Variants in LOC122539214 observed in about 807,000 individuals in gnomAD.
At chr19:52,683,228 CTGTGTGTGTGTGTGTGTGTGTG>C in the LOC122539214 span, among the ~76,000 whole-genome samples, 2,529 of 128,034 alleles carry the variant, frequency 0.02, 52 homozygotes, top group Middle Eastern at 0.078. Flanking sequence ...CCCTGTGACT[CTGTGTGTGTGTGTGTGTGTGTG>C]TGTGTGTGTG....
chr19:52,681,123 A>G, the LOC122539214 span, among the ~76,000 whole-genome samples: 2 of 151,604 alleles, frequency 1.3e-5, no homozygotes, highest in Non-Finnish European at 2.9e-5. Flanking sequence ...CTTCTCTACT[A>G]AAAATATAAA....
At chr19:52,664,328 T>C in the LOC122539214 span, among the ~76,000 whole-genome samples, 1 of 151,902 alleles carries the variant, frequency 6.6e-6, no homozygotes, top group South Asian at 2.1e-4. Context: ...AAAGCCCGTC[T>C]CTATGAGGAA....
the LOC122539214 span, among the ~76,000 whole-genome samples, chr19:52,682,791 C>T: frequency 6.6e-6 from 1 of 152,112 alleles, no homozygotes; most frequent in South Asian, 2.1e-4. Flanking sequence ...TCACTTGAGC[C>T]CAGGAGTTCA....
chr19:52,678,546 T>C, the LOC122539214 span, among the ~76,000 whole-genome samples: 7 of 152,048 alleles, frequency 4.6e-5, no homozygotes, highest in African/African-American at 1.7e-4. Context: ...TCCTATATTA[T>C]TTGAAGTCAT....
At chr19:52,678,357 G>C in the LOC122539214 span, among the ~76,000 whole-genome samples, 3 of 150,926 alleles carry the variant, frequency 2.0e-5, no homozygotes, top group African/African-American at 7.3e-5. Flanking sequence ...GGCTGAGGCA[G>C]GAGAATCACT....
chr19:52,687,599 G>GTGTATATATATATATAATGTATATA, the LOC122539214 span, among the ~76,000 whole-genome samples: 2 of 16,824 alleles, frequency 1.2e-4, no homozygotes, highest in African/African-American at 1.1e-3. Flanking sequence ...TATATATAAT[G>GTGTATATATATATATAATGTATATA]TATATATATA....
the LOC122539214 span, among the ~76,000 whole-genome samples, chr19:52,675,249 T>C: frequency 4.6e-5 from 7 of 152,178 alleles, no homozygotes; most frequent in East Asian, 1.9e-4. Flanking sequence ...ACAGTGTTCA[T>C]GTACTTCACC....
the LOC122539214 span, among the ~76,000 whole-genome samples, chr19:52,687,635 A>G: frequency 5.8e-3 from 85 of 14,726 alleles, 16 homozygotes; most frequent in South Asian, 8.0e-3. Flanking sequence ...TATATAATGT[A>G]TATATATATA....
chr19:52,680,847 C>T, the LOC122539214 span, among the ~76,000 whole-genome samples: 1 of 150,880 alleles, frequency 6.6e-6, no homozygotes, highest in South Asian at 2.1e-4. Flanking sequence ...CTCCTGACCT[C>T]GTGATCCGCC....
the LOC122539214 span, among the ~76,000 whole-genome samples, chr19:52,682,405 G>C: frequency 1.3e-5 from 2 of 151,964 alleles, no homozygotes; most frequent in South Asian, 4.1e-4. Context: ...GGAAGTGGTG[G>C]CTCATGCCTG....
chr19:52,677,342 C>T, the LOC122539214 span, among the ~76,000 whole-genome samples: 27 of 148,184 alleles, frequency 1.8e-4, no homozygotes, highest in East Asian at 9.9e-4. Flanking sequence ...AAAAATTAGC[C>T]GGGTGTGGTG....
At chr19:52,657,027 G>A in the LOC122539214 span, among the ~76,000 whole-genome samples, 1 of 152,126 alleles carries the variant, frequency 6.6e-6, no homozygotes, top group African/African-American at 2.4e-5. Context: ...GAGGTGGGAG[G>A]ATTGCTTGAG....
At chr19:52,670,889 A>G in the LOC122539214 span, among the ~76,000 whole-genome samples, 3 of 152,220 alleles carry the variant, frequency 2.0e-5, no homozygotes, top group African/African-American at 7.2e-5. Context: ...TAGAGAGGAA[A>G]TGTTCAGGTT....
At chr19:52,655,469 A>G in the LOC122539214 span, 3 of 1,191,762 alleles carry the variant, frequency 2.5e-6, no homozygotes, top group Middle Eastern at 2.1e-4. Flanking sequence ...AAAAGCATGT[A>G]TGCGGCAAAA....
At chr19:52,659,228 C>T in the LOC122539214 span, among the ~76,000 whole-genome samples, 591 of 152,034 alleles carry the variant, frequency 3.9e-3, 2 homozygotes, top group African/African-American at 0.013. Context: ...GCGTGAGGAC[C>T]GCCCTCTTGA....
chr19:52,655,450 A>T, the LOC122539214 span: 4 of 1,000,870 alleles, frequency 4.0e-6, no homozygotes, highest in Non-Finnish European at 6.0e-6. Flanking sequence ...AAACAATGAC[A>T]TGTACATCAA....
At chr19:52,680,708 G>A in the LOC122539214 span, among the ~76,000 whole-genome samples, 1 of 140,032 alleles carries the variant, frequency 7.1e-6, no homozygotes, top group Non-Finnish European at 1.5e-5. Flanking sequence ...CGCCTCCCGG[G>A]TTCACGCCAT....
the LOC122539214 span, among the ~76,000 whole-genome samples, chr19:52,684,076 A>G: frequency 7.2e-5 from 11 of 152,252 alleles, no homozygotes; most frequent in South Asian, 2.1e-4. Context: ...TCTACTAAAA[A>G]TACAAAAATT....
At chr19:52,684,472 C>A in the LOC122539214 span, among the ~76,000 whole-genome samples, 3 of 148,638 alleles carry the variant, frequency 2.0e-5, no homozygotes, top group South Asian at 2.1e-4. Flanking sequence ...TCACTTGAAG[C>A]TAGGAGACAG....
Sources: allele counts gnomAD v4.1 joint callset (sites outside exome capture counted in the v4.1 genomes callset), GRCh38; gene constraint gnomAD v4.1.1; transcripts MANE v1.5.